Variants in UPF3B observed in about 807,000 individuals in gnomAD.
The protein encoded by UPF3B is regulator of nonsense transcripts 3B.
UPF3B carries 7 observed loss-of-function variants against 40.3 expected under a neutral mutation model. The observed-to-expected ratio is 0.17, with a 90% CI of 0.10 to 0.33. The LOEUF (loss-of-function observed/expected upper bound fraction) is 0.33. UPF3B is among the 10% of genes least tolerant of loss of function. UPF3B has a pLI of 1.00. For missense variants in UPF3B, 229 were observed against 358.9 expected (o/e 0.64, Z 2.93); for synonymous variants, 117 against 117.3 (o/e 1.00, Z 0.01).
chrX:119,841,728 G>C lies in UPF3B; in HGVS notation c.624+7C>G. 1 of 1,205,175 alleles carries C rather than the reference G, an allele frequency of 8.3e-7. No homozygotes were observed. The highest frequency in any genetic ancestry group is 1.1e-6 in the Non-Finnish European group (1 of 889,707). On this transcript the variant is annotated splice_region_variant and intron_variant, in intron 6 of 10. Transcript: ENST00000276201. ...TATTGAGAGAACTATAAAGACAAAAGATTTACCTGCTTGTTTTTCAGGAAG... is the reference window on the plus strand; with the variant it reads ...TATTGAGAGAACTATAAAGACAAAACATTTACCTGCTTGTTTTTCAGGAAG...
chrX:119,835,774 G>C (rs1471442931), intron 10 of UPF3B, among the ~76,000 whole-genome samples: 1 of 111,301 alleles, frequency 9.0e-6, no homozygotes, highest in Non-Finnish European at 1.9e-5. Flanking sequence ...TCAAAAGTTT[G>C]AGACCAGCCT....
At chrX:119,808,870 CTCTT>C (rs1000418809) in intron 5 of UPF3B, among the ~76,000 whole-genome samples, 1 of 112,474 alleles carries the variant, frequency 8.9e-6, no homozygotes, top group Non-Finnish European at 1.9e-5. Flanking sequence ...TATTAGTAGT[CTCTT>C]TCTCTTGGGT....
At chrX:119,848,719 A>C (rs969679782) in intron 3 of UPF3B, among the ~76,000 whole-genome samples, 3 of 111,884 alleles carry the variant, frequency 2.7e-5, no homozygotes, top group Admixed American at 1.9e-4. Context: ...TAGGTAAAAG[A>C]AGCCAGTCAG....
rs185511642 is a variant in UPF3B at position 119,852,941 on chromosome X, C to G, written c.-13G>C. 8,759 of 1,211,073 alleles carry G rather than the reference C, an allele frequency of 7.2e-3. 32 individuals are homozygous for G. Among genetic ancestry groups the G allele is most frequent in the Non-Finnish European group, 8.7e-3 (7,788 of 895,414 alleles). ...TCTCTTCCTTCATGGCTACGTCCCC[C>G]GCTGAAGCGGCTTGGCCGGAACGGG... On this transcript the variant is annotated 5_prime_UTR_variant, in exon 1 of 11. Coordinates refer to ENST00000276201, the MANE Select transcript of UPF3B (RefSeq NM_080632.3).
In UPF3B at chrX:119,838,010, C is replaced by A. The variant is rs185347914; in HGVS notation, c.1049G>T (p.Arg350Leu). ...GCGCTCCTGATCTCGTTCATATTCC[C>A]GTTCCCTCTCCCTATAGTCTCTGCC... ...ESGRDYRERE[R>L]EYERDQERIL... The change falls in exon 10 of 11, where the codon CGG becomes CTG. Residue 350 changes from arginine to leucine, a missense_variant. Around this residue, in one of 3 missense-constraint regions of UPF3B, gnomAD observed 119 missense variants for 153.8 expected, o/e 0.77. Transcript: ENST00000276201. 1 of 1,209,038 alleles carries A rather than the reference C, an allele frequency of 8.3e-7. No individual in the cohort carries two copies. The highest frequency in any genetic ancestry group is 3.0e-5 in the East Asian group (1 of 33,791).
chrX:119,838,076 A>G lies in UPF3B; in HGVS notation c.1008-25T>C, dbSNP rs377232654. ...TCTGCATGAAAAACAAATCTGAGAC[A>G]GAACCCTGAAAGATCTTGTAATCAC... On this transcript the variant is annotated intron_variant, in intron 9 of 10. Coordinates refer to ENST00000276201, the MANE Select transcript of UPF3B (RefSeq NM_080632.3). 5.8e-6 allele frequency: 7 copies of G among 1,204,977 alleles called. No individual in the cohort carries two copies. In the African/African-American group the frequency reaches 1.1e-4, roughly 18 times the overall value.
At chrX:119,838,615 G>A in intron 8 of UPF3B, 88 bp from the exon 9 acceptor site, 1 of 965,746 alleles carries the variant, frequency 1.0e-6, no homozygotes, top group African/African-American at 1.9e-5. Context: ...TTAAAATTTA[G>A]ACTAGACAAA....
chrX:119,820,660 A>C (rs1313292119), intron 4 of UPF3B, among the ~76,000 whole-genome samples: 2 of 79,948 alleles, frequency 2.5e-5, no homozygotes, highest in Non-Finnish European at 4.8e-5. Context: ...GTAGAGATGG[A>C]GTTTCACCAT....
intron 3 of UPF3B, among the ~76,000 whole-genome samples, chrX:119,828,097 A>T (rs1316422068): frequency 1.9e-5 from 2 of 107,393 alleles, no homozygotes; most frequent in Admixed American, 1.0e-4. Context: ...TCTGTTGCCC[A>T]GACTAGAGTG....
At chrX:119,851,400 T>C (rs1327958015) in intron 3 of UPF3B, 95 bp downstream of exon 3, 5 of 610,832 alleles carry the variant, frequency 8.2e-6, no homozygotes. Flanking sequence ...GCTTATTAAA[T>C]GTGTAAAACT....
In UPF3B at chrX:119,837,882, T is replaced by C; in HGVS notation, c.1177A>G (p.Met393Val). ...EKTFKRKEEE[M>V]KKEKDTLRDK... The stretch of plus-strand genomic sequence containing the variant: ...CGAAGTGTGTCTTTCTCTTTTTTCA[T>C]TTCTTCTTCTTTTCTCTTAAAAGTC... The change falls in exon 10 of 11, where the codon ATG becomes GTG. Residue 393 changes from methionine to valine, a missense_variant. This residue lies in a region of UPF3B where 119 missense variants were observed against 153.8 expected (regional missense o/e 0.77). Transcript: ENST00000276201. The C allele has an allele frequency of 8.3e-7, 1 of 1,211,106 alleles. No individual in the cohort carries two copies. The highest frequency in any genetic ancestry group is 1.1e-6 in the Non-Finnish European group (1 of 895,468).
chrX:119,843,541 C>A (rs769612633), intron 4 of UPF3B, among the ~76,000 whole-genome samples: 1 of 111,696 alleles, frequency 9.0e-6, no homozygotes, highest in Non-Finnish European at 1.9e-5. Flanking sequence ...AAAAATGAGA[C>A]GCCATGCATT....
intron 3 of UPF3B, among the ~76,000 whole-genome samples, chrX:119,850,058 GGT>G (rs1299523529): frequency 3.1e-4 from 30 of 96,568 alleles, no homozygotes; most frequent in Non-Finnish European, 4.9e-4. Context: ...GGGAGGCTGA[GGT>G]GGGGGGGGGG....
chrX:119,818,603 C>A (rs1043620634), intron 4 of UPF3B, among the ~76,000 whole-genome samples: 6 of 111,533 alleles, frequency 5.4e-5, no homozygotes, highest in Non-Finnish European at 1.1e-4. Flanking sequence ...ACAGCCATCA[C>A]CATAGACATC....
intron 5 of UPF3B, among the ~76,000 whole-genome samples, chrX:119,842,241 T>C (rs2056168965): frequency 8.9e-6 from 1 of 111,766 alleles, no homozygotes; most frequent in African/African-American, 3.3e-5. Context: ...AAGAATATTT[T>C]TCATTTTCAA....
rs192272195 is a variant in UPF3B at position 119,823,078 on chromosome X, A to G, written c.393-35T>C. On this transcript the variant is annotated intron_variant, in intron 3 of 6. Coordinates refer to the UPF3B transcript ENST00000636792. ...AATGAAATATGTTACTGTTACAACA[A>G]TGCTACTAAGCTTTTACATGAGATT... 136 of 704,288 alleles carry G rather than the reference A, an allele frequency of 1.9e-4. 1 individual carries two copies. The African/African-American group carries it at 2.7e-3, about 14-fold the overall frequency. 58.0% of individuals were successfully genotyped at this position (704,288 alleles called of 1,213,427 possible). A position where few individuals can be genotyped will look rare whatever the true frequency, so the allele number is the denominator to read the frequency against.
chrX:119,843,246 T>C lies in UPF3B; in HGVS notation c.525A>G (p.Thr175=), dbSNP rs145819431. Residue 175 remains threonine (T), a synonymous_variant, in exon 5 of 11, where the codon ACA becomes ACG. Coordinates refer to ENST00000276201, the MANE Select transcript of UPF3B (RefSeq NM_080632.3). ...CCTCTAGCAGTGTCTCTGGAGTAGA[T>C]GTCATTTTCTCATTATCTGTGGCAT... The part of the protein sequence containing the change: ...ESYATDNEKM[T]STPETLLEEI... 8.3e-7 allele frequency: 1 copy of C among 1,207,395 alleles called. No homozygotes were observed. Among genetic ancestry groups the C allele is most frequent in the African/African-American group, 1.7e-5 (1 of 57,280 alleles).
intron 3 of UPF3B, among the ~76,000 whole-genome samples, chrX:119,825,504 A>C (rs1363169789): frequency 8.9e-6 from 1 of 111,853 alleles, no homozygotes; most frequent in East Asian, 2.8e-4. Context: ...TGGATTTCAA[A>C]ATCTTTTTGC....
Position 119,838,441 on chromosome X carries a change from A to G in UPF3B, c.933T>C (p.Asp311=), listed in dbSNP as rs1242804119. ...AKKLDKENLS[D]ERASGQSCTL... ...TACAACTTTGCCCACTGGCTCTTTC[A>G]TCACTGAGATTCTCTTTGTCCAATT... The change falls in exon 9 of 11, where the codon GAT becomes GAC. Residue 311 remains aspartate (D), a synonymous_variant. Transcript: ENST00000276201. 1 of 1,210,095 alleles carries G rather than the reference A, an allele frequency of 8.3e-7. No individual in the cohort carries two copies. Among genetic ancestry groups the G allele is most frequent in the Non-Finnish European group, 1.1e-6 (1 of 895,011 alleles).
Sources: allele counts gnomAD v4.1 joint callset (sites outside exome capture counted in the v4.1 genomes callset), GRCh38; gene constraint gnomAD v4.1.1; regional missense constraint gnomAD v4.1.1; transcripts MANE v1.5; gene names NCBI Gene and HGNC (gene_info 2026-07-23, HGNC 2026-07-21).